Variants in SMYD3 observed in about 807,000 individuals in gnomAD.
The protein encoded by SMYD3 is histone-lysine N-methyltransferase SMYD3.
Under a neutral mutation model 57.7 loss-of-function variants are expected in SMYD3, and 36 were observed. The observed-to-expected ratio is 0.62, with a 90% CI of 0.48 to 0.82. The LOEUF is 0.82. Among genes scored for constraint, SMYD3 ranks in the 40% least tolerant of loss-of-function variants. SMYD3 has a pLI of 0.00. For synonymous variants in SMYD3, 211 were observed against 195.0 expected (o/e 1.08, Z -0.68); for missense variants, 515 against 538.8 (o/e 0.96, Z 0.44).
intron 5 of SMYD3, among the ~76,000 whole-genome samples, chr1:246,173,741 T>C (rs1478163617): frequency 6.6e-6 from 1 of 152,184 alleles, no homozygotes; most frequent in Non-Finnish European, 1.5e-5. Context: ...TCAGCTCTTA[T>C]GATAACAATG....
At chr1:246,265,602 A>T (rs2064091524) in intron 5 of SMYD3, among the ~76,000 whole-genome samples, 1 of 152,192 alleles carries the variant, frequency 6.6e-6, no homozygotes. Flanking sequence ...TGGGATATTC[A>T]CATGTCAGCA....
intron 5 of SMYD3, among the ~76,000 whole-genome samples, chr1:246,153,235 C>G (rs900969544): frequency 3.3e-5 from 5 of 152,126 alleles, no homozygotes; most frequent in African/African-American, 1.2e-4. Flanking sequence ...TTATCCTTCT[C>G]CTTTAAACTC....
chr1:246,202,025 A>C lies in SMYD3; in HGVS notation c.531+125176T>G, dbSNP rs1558312555. Among the ~76,000 whole-genome samples the C allele has an allele frequency of 1.3e-5, 2 of 151,744 alleles. No individual in the cohort carries two copies. Among genetic ancestry groups the C allele is most frequent in the African/African-American group, 4.8e-5 (2 of 41,268 alleles). ...CTCTGTCTCAATTTAAAAAAAAAAA[A>C]CAAAAAAAAGCCATTTTTAAATGAT... On this transcript the variant is annotated intron_variant, in intron 5 of 11. Coordinates refer to ENST00000490107, the MANE Select transcript of SMYD3 (RefSeq NM_001167740.2). This position sits in a 1 kb window ranked among gnomAD's most constrained non-coding sequence, Gnocchi z 4.1.
intron 5 of SMYD3, among the ~76,000 whole-genome samples, chr1:245,955,045 T>A (rs1231710517): frequency 1.3e-5 from 2 of 152,198 alleles, no homozygotes; most frequent in African/African-American, 4.8e-5. Flanking sequence ...CGTATTTCAG[T>A]TATCCTGGCT....
intron 10 of SMYD3, among the ~76,000 whole-genome samples, chr1:245,781,278 C>T (rs2046815976): frequency 6.6e-6 from 1 of 152,132 alleles, no homozygotes; most frequent in African/African-American, 2.4e-5. Flanking sequence ...AATTAAACAA[C>T]CTTATGAGAC....
intron 5 of SMYD3, among the ~76,000 whole-genome samples, chr1:246,208,836 A>C (rs995746492): frequency 4.6e-5 from 7 of 151,730 alleles, no homozygotes; most frequent in Admixed American, 4.6e-4. Flanking sequence ...ATTAAACAGC[A>C]TGTGGAATGG....
intron 8 of SMYD3, among the ~76,000 whole-genome samples, chr1:245,884,463 G>A (rs1365408182): frequency 1.3e-5 from 2 of 152,148 alleles, no homozygotes; most frequent in African/African-American, 4.8e-5. Context: ...ACAAGCTTGA[G>A]GAGGCAGTGT....
At chr1:246,102,081 C>T (rs1251907897) in intron 5 of SMYD3, among the ~76,000 whole-genome samples, 1 of 152,152 alleles carries the variant, frequency 6.6e-6, no homozygotes, top group Non-Finnish European at 1.5e-5. Flanking sequence ...CTCCAGGCAC[C>T]TCATATGGTT....
At chr1:246,159,874 C>T (rs2062086897) in intron 5 of SMYD3, among the ~76,000 whole-genome samples, 2 of 152,024 alleles carry the variant, frequency 1.3e-5, no homozygotes, top group South Asian at 4.1e-4. Flanking sequence ...TGCTATGCTG[C>T]CCAGGCTGGT....
At chr1:246,191,656 A>C (rs2062740507) in intron 5 of SMYD3, among the ~76,000 whole-genome samples, 1 of 152,220 alleles carries the variant, frequency 6.6e-6, no homozygotes, top group Non-Finnish European at 1.5e-5. Context: ...AGCAGGAGAA[A>C]ACCAGAAAGG....
chr1:246,088,882 T>C (rs985579098), intron 5 of SMYD3, among the ~76,000 whole-genome samples: 1 of 152,222 alleles, frequency 6.6e-6, no homozygotes, highest in African/African-American at 2.4e-5. Context: ...CACACACATA[T>C]ATATTTTATA....
At chr1:245,933,546 T>C (rs1312187360) in intron 5 of SMYD3, among the ~76,000 whole-genome samples, 1 of 152,218 alleles carries the variant, frequency 6.6e-6, no homozygotes, top group Non-Finnish European at 1.5e-5. Context: ...CTGTATTTTA[T>C]AAAAACAACT....
At chr1:245,838,499 G>A (rs975692450) in intron 10 of SMYD3, among the ~76,000 whole-genome samples, 10 of 152,366 alleles carry the variant, frequency 6.6e-5, no homozygotes, top group Admixed American at 1.3e-4. Flanking sequence ...CTGAGCCACA[G>A]CTTTCAGAGC....
At chr1:246,357,284 T>C (rs1375726953) in intron 1 of SMYD3, among the ~76,000 whole-genome samples, 1 of 152,130 alleles carries the variant, frequency 6.6e-6, no homozygotes, top group Non-Finnish European at 1.5e-5. Flanking sequence ...GGAAGCCTGC[T>C]AAAACTCACC....
chr1:245,785,687 A>AAG (rs929417966), intron 10 of SMYD3, among the ~76,000 whole-genome samples: 11 of 150,420 alleles, frequency 7.3e-5, no homozygotes, highest in Admixed American at 2.6e-4. Context: ...GAAAGCGAGC[A>AAG]AGAGAGAGAG....
At chr1:245,759,946 A>G (rs1395313925) in intron 11 of SMYD3, among the ~76,000 whole-genome samples, 2 of 152,238 alleles carry the variant, frequency 1.3e-5, no homozygotes, top group Non-Finnish European at 2.9e-5. Context: ...CTTGAGGTCC[A>G]AGAAGTCAAA....
chr1:245,902,842 A>G (rs1445690529), intron 8 of SMYD3, among the ~76,000 whole-genome samples: 1 of 152,250 alleles, frequency 6.6e-6, no homozygotes, highest in Non-Finnish European at 1.5e-5. Context: ...AAATATATCT[A>G]CATGAAAAAG....
At chr1:245,840,608 A>G (rs577264584) in intron 10 of SMYD3, among the ~76,000 whole-genome samples, 45 of 152,320 alleles carry the variant, frequency 3.0e-4, no homozygotes, top group African/African-American at 1.0e-3. Context: ...TGTAGAATAG[A>G]GAAAAGAACA....
chr1:246,221,114 G>A (rs2063247438), intron 5 of SMYD3, among the ~76,000 whole-genome samples: 1 of 152,074 alleles, frequency 6.6e-6, no homozygotes, highest in Admixed American at 6.5e-5. Context: ...CCAAGAGCTG[G>A]AGACAACGGA....
Sources: allele counts gnomAD v4.1 joint callset (sites outside exome capture counted in the v4.1 genomes callset), GRCh38; gene constraint gnomAD v4.1.1; non-coding constraint Gnocchi (gnomAD v3.1); transcripts MANE v1.5; gene names NCBI Gene and HGNC (gene_info 2026-07-23, HGNC 2026-07-21).